NALF1: variants seen among roughly 807,000 people sequenced by gnomAD.
The protein encoded by NALF1 is family with sequence similarity 155 member A.
Under a neutral mutation model 48.4 loss-of-function variants are expected in NALF1, and 3 were observed. That is an observed-to-expected ratio of 0.06 (90% CI 0.03 to 0.16). The LOEUF (loss-of-function observed/expected upper bound fraction) is 0.16. Among genes scored for constraint, NALF1 ranks in the 10% least tolerant of loss-of-function variants. The pLI is 1.00. For synonymous variants in NALF1, 262 were observed against 245.7 expected (o/e 1.07, Z -0.62); for missense variants, 526 against 571.5 (o/e 0.92, Z 0.81).
At chr13:107,750,136 C>T (rs759207410) in intron 1 of NALF1, among the ~76,000 whole-genome samples, 9 of 152,126 alleles carry the variant, frequency 5.9e-5, no homozygotes, top group African/African-American at 2.2e-4. Context: ...AGCATTGCCT[C>T]GGCCTCACTA....
Position 107,523,187 on chromosome 13 carries a change from A to G in NALF1, c.916-312432T>C, listed in dbSNP as rs549687618. On this transcript the variant is annotated intron_variant, in intron 1 of 2. Coordinates refer to ENST00000375915, the MANE Select transcript of NALF1 (RefSeq NM_001080396.3). The stretch of plus-strand genomic sequence containing the variant: ...GGATATCATAAGGAGGGAGGAATTC[A>G]GAGCCATTGTTCTCCACATTTGCTA... Among the ~76,000 whole-genome samples, 35 of 152,278 alleles carry G rather than the reference A, an allele frequency of 2.3e-4. 1 individual carries two copies. The South Asian group carries it at 6.8e-3, about 30-fold the overall frequency.
chr13:107,345,746 A>T (rs2138939555), intron 1 of NALF1, among the ~76,000 whole-genome samples: 1 of 152,344 alleles, frequency 6.6e-6, no homozygotes, highest in Middle Eastern at 3.4e-3. Flanking sequence ...TATTAACTGT[A>T]ACTCTGAAAG....
chr13:107,749,626 T>C (rs992839480), intron 1 of NALF1, among the ~76,000 whole-genome samples: 2 of 152,008 alleles, frequency 1.3e-5, no homozygotes, highest in Non-Finnish European at 2.9e-5. Context: ...CTATTTTACA[T>C]ACTACAGTAT....
At chr13:107,375,923 T>TAC (rs373266204) in intron 1 of NALF1, among the ~76,000 whole-genome samples, 5,713 of 149,402 alleles carry the variant, frequency 0.038, 114 homozygotes, top group East Asian at 0.11. Flanking sequence ...CAACCTGCTA[T>TAC]ACACACACAC....
At chr13:107,802,158 C>A (rs544067958) in intron 1 of NALF1, among the ~76,000 whole-genome samples, 1 of 152,238 alleles carries the variant, frequency 6.6e-6, no homozygotes, top group Non-Finnish European at 1.5e-5. Flanking sequence ...TGTAAACCAT[C>A]ATTTGTTTGT....
chr13:107,417,627 G>A (rs149829813), intron 1 of NALF1, among the ~76,000 whole-genome samples: 2,212 of 152,260 alleles, frequency 0.015, 29 homozygotes, highest in Middle Eastern at 0.024. Flanking sequence ...TGGGATCCAT[G>A]TACGGCAGTA....
rs972184900 is a variant in NALF1 at position 107,700,954 on chromosome 13, T to C, written c.915+164728A>G. ...TTCTATATCACCTTAAGCCCATTTG[T>C]ATGGCTGTTATCAAAAAGACAAGTC... On this transcript the variant is annotated intron_variant, in intron 1 of 2. Transcript: ENST00000375915. Among the ~76,000 whole-genome samples the C allele has an allele frequency of 4.6e-5, 7 of 152,160 alleles. No homozygotes were observed. In the South Asian group the frequency reaches 1.4e-3, roughly 32 times the overall value.
chr13:107,459,401 A>ATG (rs1276809353), intron 1 of NALF1, among the ~76,000 whole-genome samples: 1 of 151,702 alleles, frequency 6.6e-6, no homozygotes, highest in African/African-American at 2.4e-5. Context: ...AAATATATAT[A>ATG]TATATAAGGC....
At chr13:107,461,225 A>C (rs759641868) in intron 1 of NALF1, among the ~76,000 whole-genome samples, 3 of 152,190 alleles carry the variant, frequency 2.0e-5, no homozygotes, top group Non-Finnish European at 4.4e-5. Flanking sequence ...TCTTCTAAAA[A>C]TGAGATCTTG....
At chr13:107,472,555 G>A (rs1252565499) in intron 1 of NALF1, among the ~76,000 whole-genome samples, 3 of 152,134 alleles carry the variant, frequency 2.0e-5, no homozygotes, top group Middle Eastern at 3.2e-3. Context: ...AGTGTGGCTA[G>A]GATAAAAGCA....
chr13:107,271,851 C>T (rs1359741135), intron 1 of NALF1, among the ~76,000 whole-genome samples: 1 of 139,152 alleles, frequency 7.2e-6, no homozygotes, highest in African/African-American at 2.8e-5. Context: ...TCTCACACTC[C>T]AATTTCAAAC....
intron 1 of NALF1, among the ~76,000 whole-genome samples, chr13:107,238,934 G>A (rs907876201): frequency 1.3e-5 from 2 of 152,070 alleles, no homozygotes; most frequent in African/African-American, 4.8e-5. Context: ...TTTAACAGCT[G>A]TATGGGGGAT....
intron 1 of NALF1, among the ~76,000 whole-genome samples, chr13:107,651,080 G>A (rs1360079523): frequency 6.6e-6 from 1 of 151,630 alleles, no homozygotes; most frequent in African/African-American, 2.4e-5. Context: ...TTAAACAAAG[G>A]TTAAAAAAAT....
intron 1 of NALF1, among the ~76,000 whole-genome samples, chr13:107,651,236 A>C (rs2138467872): frequency 6.6e-6 from 1 of 152,320 alleles, no homozygotes; most frequent in South Asian, 2.1e-4. Context: ...TTTGACATTT[A>C]GTCCCGGGCT....
intron 1 of NALF1, among the ~76,000 whole-genome samples, chr13:107,354,877 T>G (rs772343024): frequency 2.0e-5 from 3 of 152,142 alleles, no homozygotes; most frequent in Admixed American, 6.6e-5. Flanking sequence ...CAGCAGCAAC[T>G]GTGCTAGAGA....
chr13:107,843,744 C>G (rs1227304808), intron 1 of NALF1, among the ~76,000 whole-genome samples: 1 of 151,874 alleles, frequency 6.6e-6, no homozygotes, highest in Non-Finnish European at 1.5e-5. Context: ...CCAGAATGAC[C>G]AAAAATCAGT....
intron 1 of NALF1, among the ~76,000 whole-genome samples, chr13:107,628,202 A>C (rs1383028612): frequency 1.3e-5 from 2 of 152,018 alleles, no homozygotes; most frequent in Non-Finnish European, 1.5e-5. Flanking sequence ...CATCTTCCCA[A>C]AGCAAGATGT....
intron 1 of NALF1, among the ~76,000 whole-genome samples, chr13:107,704,802 C>G (rs138133564): frequency 6.6e-6 from 1 of 152,070 alleles, no homozygotes; most frequent in South Asian, 2.1e-4. Context: ...AATTGAGATG[C>G]CCTGCGTCTC....
chr13:107,526,045 T>G (rs996955616), intron 1 of NALF1, among the ~76,000 whole-genome samples: 20 of 152,116 alleles, frequency 1.3e-4, no homozygotes, highest in African/African-American at 4.6e-4. Context: ...CACAGACATA[T>G]TCTGGATACA....
Sources: allele counts gnomAD v4.1 joint callset (sites outside exome capture counted in the v4.1 genomes callset), GRCh38; gene constraint gnomAD v4.1.1; transcripts MANE v1.5; gene names NCBI Gene and HGNC (gene_info 2026-07-23, HGNC 2026-07-21).